The following MTARC2 variants were observed in gnomAD, a reference collection of about 807,000 sequenced individuals.
MTARC2 encodes mitochondrial amidoxime reducing component 2, also known as MOCO sulphurase C-terminal domain containing 2.
In MTARC2, 27 loss-of-function variants were observed where a neutral mutation model predicts 35.6. That is an observed-to-expected ratio of 0.76 (90% CI 0.56 to 1.04). The LOEUF (loss-of-function observed/expected upper bound fraction) is 1.04, where lower values mean the gene tolerates loss of function less well. MTARC2 is among the 50% of genes least tolerant of loss of function. MTARC2 has a pLI of 0.00. For missense variants in MTARC2, 412 were observed against 432.5 expected (o/e 0.95, Z 0.42); for synonymous variants, 158 against 167.1 (o/e 0.95, Z 0.42).
At chr1:220,752,931 T>G (rs1258688023) in intron 1 of MTARC2, among the ~76,000 whole-genome samples, 1 of 150,964 alleles carries the variant, frequency 6.6e-6, no homozygotes, top group African/African-American at 2.4e-5. Context: ...TAGGAAATGG[T>G]GGGCTGGGCA....
chr1:220,755,620 CTA>C (rs1671256698), intron 2 of MTARC2, among the ~76,000 whole-genome samples: 1 of 152,088 alleles, frequency 6.6e-6, no homozygotes, highest in Non-Finnish European at 1.5e-5. Flanking sequence ...CTAGGGTTGA[CTA>C]GGGCATGGGA....
intron 2 of MTARC2, among the ~76,000 whole-genome samples, chr1:220,757,663 G>C (rs2102547268): frequency 6.6e-6 from 1 of 152,302 alleles, no homozygotes; most frequent in African/African-American, 2.4e-5. Context: ...TGCATGAAGA[G>C]AGAAAGCAAT....
At chr1:220,749,719 C>G (rs1671081278) in intron 1 of MTARC2, among the ~76,000 whole-genome samples, 1 of 152,142 alleles carries the variant, frequency 6.6e-6, no homozygotes, top group Admixed American at 6.5e-5. Flanking sequence ...GTGTGAGCCA[C>G]TGTGCCCAGC....
intron 1 of MTARC2, chr1:220,754,525 C>A: frequency 2.3e-6 from 1 of 436,800 alleles, no homozygotes; most frequent in South Asian, 1.6e-5. Flanking sequence ...CTTGGCCAAC[C>A]TCATCTTGTT....
intron 2 of MTARC2, among the ~76,000 whole-genome samples, chr1:220,757,393 T>C (rs1671309103): frequency 6.6e-6 from 1 of 152,136 alleles, no homozygotes; most frequent in African/African-American, 2.4e-5. Flanking sequence ...TCAGCCTGTA[T>C]TTATAAGCTA....
intron 4 of MTARC2, among the ~76,000 whole-genome samples, chr1:220,767,073 A>G (rs930201351): frequency 1.1e-4 from 16 of 152,162 alleles, no homozygotes; most frequent in African/African-American, 2.9e-4. Context: ...TTCCTGTGCT[A>G]TGATGGGCTT....
At chr1:220,763,352 GCGAAGA>G (rs140657857) in intron 4 of MTARC2, among the ~76,000 whole-genome samples, 2,033 of 152,262 alleles carry the variant, frequency 0.013, 32 homozygotes, top group East Asian at 0.06. Context: ...ACTGAGGGAA[GCGAAGA>G]TAAAGAGAAA....
intron 2 of MTARC2, among the ~76,000 whole-genome samples, chr1:220,760,494 G>T (rs1377842385): frequency 6.6e-6 from 1 of 152,142 alleles, no homozygotes; most frequent in Non-Finnish European, 1.5e-5. Context: ...TTAAAAGAAA[G>T]AAAATTGATA....
intron 4 of MTARC2, among the ~76,000 whole-genome samples, chr1:220,771,479 T>C (rs929348629): frequency 2.0e-5 from 3 of 152,110 alleles, no homozygotes; most frequent in Non-Finnish European, 2.9e-5. Context: ...AATGTGAGGA[T>C]ACTTATCCTT....
chr1:220,765,201 G>A (rs1273980306), intron 4 of MTARC2, among the ~76,000 whole-genome samples: 1 of 152,142 alleles, frequency 6.6e-6, no homozygotes, highest in East Asian at 1.9e-4. Flanking sequence ...TCAGAGGAGG[G>A]TCTTTATGGG....
At chr1:220,749,614 A>G (rs1671079117) in intron 1 of MTARC2, among the ~76,000 whole-genome samples, 1 of 152,026 alleles carries the variant, frequency 6.6e-6, no homozygotes, top group Non-Finnish European at 1.5e-5. Context: ...TATTTTTAGT[A>G]GAAACGGGGT....
chr1:220,766,760 G>A (rs890383740), intron 4 of MTARC2, among the ~76,000 whole-genome samples: 18 of 150,764 alleles, frequency 1.2e-4, no homozygotes, highest in African/African-American at 4.2e-4. Flanking sequence ...TGAACCTAAG[G>A]CTAATGTAAA....
At chr1:220,765,074 A>G (rs1671545292) in intron 4 of MTARC2, among the ~76,000 whole-genome samples, 1 of 152,200 alleles carries the variant, frequency 6.6e-6, no homozygotes, top group Admixed American at 6.5e-5. Context: ...GTGTAGAAGT[A>G]GAACTACCTA....
intron 2 of MTARC2, among the ~76,000 whole-genome samples, chr1:220,755,759 C>T (rs2102545391): frequency 6.6e-6 from 1 of 152,250 alleles, no homozygotes; most frequent in East Asian, 1.9e-4. Context: ...AATTGGTCAG[C>T]CCTGGAAGAA....
Position 220,761,977 on chromosome 1 carries a change from C to T in MTARC2, c.609+157C>T, listed in dbSNP as rs975389158. Among the ~76,000 whole-genome samples, 4 of 151,808 alleles carry T rather than the reference C, an allele frequency of 2.6e-5. No homozygotes were observed. The South Asian group carries it at 8.3e-4, about 32-fold the overall frequency. On this transcript the variant is annotated intron_variant, in intron 3 of 7. Transcript: ENST00000366913. ...TGAGGGCACAGCCTAGGCAGAGGTA[C>T]CAGGGGATGGAAAAGAAGGTGGATA...
intron 1 of MTARC2, among the ~76,000 whole-genome samples, chr1:220,753,062 A>AAG (rs1192428113): frequency 6.7e-6 from 1 of 149,150 alleles, no homozygotes; most frequent in African/African-American, 2.5e-5. Context: ...AAAAAAAAAA[A>AAG]AAAAAAATAC....
At chr1:220,761,862 CT>C in intron 3 of MTARC2, 42 bp downstream of exon 3, 1 of 1,540,880 alleles carries the variant, frequency 6.5e-7, no homozygotes, top group Non-Finnish European at 8.7e-7. Flanking sequence ...ACTAGTCACC[CT>C]TCTCTTTCTG....
At position 220,754,998 on chromosome 1, in the gene MTARC2, G is replaced by A. The variant is rs374045628; in HGVS notation, c.324G>A (p.Glu108=). The A allele has an allele frequency of 5.0e-6, 8 of 1,612,162 alleles. No individual in the cohort carries two copies. In the African/African-American group the frequency reaches 9.4e-5, roughly 19 times the overall value. Residue 108 remains glutamate, a synonymous_variant, in exon 2 of 8, where the codon GAG becomes GAA. Transcript: ENST00000366913. ...GACACATGGTCACTGCCCGACAGGA[G>A]CCTCGCCTCGTGCTCATCTCCATCA... ...EDGHMVTARQ[E]PRLVLISIIY...
At chr1:220,748,876 G>A (rs1198786352) in intron 1 of MTARC2, 73 bp downstream of exon 1, 3 of 1,459,208 alleles carry the variant, frequency 2.1e-6, no homozygotes, top group Non-Finnish European at 2.7e-6. Flanking sequence ...GGTGGGGCCC[G>A]ATCTATCTGG....
Sources: allele counts gnomAD v4.1 joint callset (sites outside exome capture counted in the v4.1 genomes callset), GRCh38; gene constraint gnomAD v4.1.1; transcripts MANE v1.5; gene names NCBI Gene and HGNC (gene_info 2026-07-23, HGNC 2026-07-21).